Variants in PPP1R9A observed in about 807,000 individuals in gnomAD.
The protein encoded by PPP1R9A is protein phosphatase 1 regulatory subunit 9A.
PPP1R9A carries 59 observed loss-of-function variants against 141.9 expected under a neutral mutation model. The observed-to-expected ratio is 0.42, with a 90% CI of 0.34 to 0.52. The LOEUF (loss-of-function observed/expected upper bound fraction) is 0.52, where lower values mean the gene tolerates loss of function less well. Ranked by LOEUF, PPP1R9A falls within the 20% of genes least tolerant of loss-of-function variation. The pLI is 0.10. For missense variants in PPP1R9A, 1,444 were observed against 1,611.9 expected (o/e 0.90, Z 1.78); for synonymous variants, 500 against 569.7 (o/e 0.88, Z 1.74).
At chr7:95,276,921 A>C (rs1005340811) in intron 16 of PPP1R9A, among the ~76,000 whole-genome samples, 8 of 152,180 alleles carry the variant, frequency 5.3e-5, no homozygotes, top group African/African-American at 1.9e-4. Context: ...TCCCAGGAAG[A>C]ACAGAATTGC....
At chr7:95,019,418 C>T (rs768621924) in intron 2 of PPP1R9A, among the ~76,000 whole-genome samples, 16 of 152,090 alleles carry the variant, frequency 1.1e-4, no homozygotes, top group Non-Finnish European at 2.1e-4. Context: ...TAACATATAA[C>T]TTAAAATCTT....
intron 2 of PPP1R9A, among the ~76,000 whole-genome samples, chr7:94,959,789 A>G (rs145379637): frequency 3.1e-4 from 47 of 151,880 alleles, no homozygotes; most frequent in Non-Finnish European, 6.2e-4. Context: ...TACTTAAAAT[A>G]TGATTGGTTT....
At chr7:95,220,066 A>G (rs1794184138) in intron 7 of PPP1R9A, among the ~76,000 whole-genome samples, 1 of 152,122 alleles carries the variant, frequency 6.6e-6, no homozygotes, top group South Asian at 2.1e-4. Context: ...TGTTATTTCC[A>G]TTTTATAGAT....
At chr7:95,287,881 T>C (rs1805645217) in intron 18 of PPP1R9A, among the ~76,000 whole-genome samples, 1 of 152,122 alleles carries the variant, frequency 6.6e-6, no homozygotes, top group African/African-American at 2.4e-5. Context: ...AGAGAGGGGA[T>C]TTCAACATGT....
chr7:95,149,260 A>G (rs1828207236), intron 4 of PPP1R9A, among the ~76,000 whole-genome samples: 1 of 152,140 alleles, frequency 6.6e-6, no homozygotes, highest in South Asian at 2.1e-4. Context: ...TTGAAAAAAA[A>G]TACCTACAAA....
At position 95,085,415 on chromosome 7, in the gene PPP1R9A, T is replaced by A. The variant is rs537211869; in HGVS notation, c.1396-25844T>A. Among the ~76,000 whole-genome samples, 587 of 133,080 alleles carry A rather than the reference T, an allele frequency of 4.4e-3. 23 individuals are homozygous for A. The highest frequency in any genetic ancestry group is 0.038 in the East Asian group (188 of 4,902). The allele number at this position is 133,080 out of a possible 152,430, so 87.3% of individuals were successfully genotyped here. ...GCGCTCAGCAAAAAAGAAAAAAAAA[T>A]TTTTGGTTTTTTTTTTTTTTTTTTG... On this transcript the variant is annotated intron_variant, in intron 2 of 19. Transcript: ENST00000433360.
intron 17 of PPP1R9A, among the ~76,000 whole-genome samples, chr7:95,284,711 T>C (rs1414235052): frequency 6.6e-6 from 1 of 152,232 alleles, no homozygotes; most frequent in Non-Finnish European, 1.5e-5. Context: ...TATTTCTTCT[T>C]TTAATGTCAA....
intron 18 of PPP1R9A, chr7:95,287,280 C>A: frequency 9.7e-7 from 1 of 1,030,990 alleles, no homozygotes; most frequent in Non-Finnish European, 1.5e-6. Flanking sequence ...TAGCTTTACT[C>A]TCTGCCTTTG....
intron 2 of PPP1R9A, among the ~76,000 whole-genome samples, chr7:95,050,369 C>G (rs1810626465): frequency 6.6e-6 from 1 of 152,100 alleles, no homozygotes; most frequent in Non-Finnish European, 1.5e-5. Flanking sequence ...GATAATACTC[C>G]TTTATCTGAT....
chr7:95,000,287 G>C (rs544041274), intron 2 of PPP1R9A, among the ~76,000 whole-genome samples: 1 of 152,272 alleles, frequency 6.6e-6, no homozygotes, highest in East Asian at 1.9e-4. Flanking sequence ...TTGCATTGCA[G>C]TGTGTGCACA....
intron 2 of PPP1R9A, among the ~76,000 whole-genome samples, chr7:94,992,177 A>T (rs1447588580): frequency 6.6e-6 from 1 of 152,202 alleles, no homozygotes; most frequent in Admixed American, 6.5e-5. Flanking sequence ...ACAACTACTG[A>T]TACGCTTCCT....
At chr7:95,254,567 ATT>A (rs1799324321) in intron 12 of PPP1R9A, among the ~76,000 whole-genome samples, 1 of 152,162 alleles carries the variant, frequency 6.6e-6, no homozygotes, top group Non-Finnish European at 1.5e-5. Context: ...TGACTGTCCA[ATT>A]CTGATTTGCT....
intron 2 of PPP1R9A, among the ~76,000 whole-genome samples, chr7:94,930,321 G>A (rs761682419): frequency 4.6e-5 from 7 of 152,100 alleles, no homozygotes; most frequent in Non-Finnish European, 7.4e-5. Context: ...ATTTTAAGAA[G>A]CATAAAGGTT....
At chr7:95,252,996 C>G (rs1304385580) in intron 12 of PPP1R9A, among the ~76,000 whole-genome samples, 1 of 152,132 alleles carries the variant, frequency 6.6e-6, no homozygotes, top group East Asian at 1.9e-4. Context: ...ATTCATACAC[C>G]AACCATAAAT....
intron 1 of PPP1R9A, chr7:94,908,008 C>G (rs909760413): frequency 6.7e-6 from 1 of 149,308 alleles, no homozygotes; most frequent in East Asian, 2.0e-4. Context: ...CCGTGAGGAG[C>G]GGGTTGCGGT....
chr7:95,065,837 T>G (rs1048766354), intron 2 of PPP1R9A, among the ~76,000 whole-genome samples: 5 of 152,112 alleles, frequency 3.3e-5, no homozygotes, highest in African/African-American at 1.2e-4. Flanking sequence ...CAGCTGAGAT[T>G]GATAACATCT....
At chr7:95,084,692 T>C (rs1816365302) in intron 2 of PPP1R9A, among the ~76,000 whole-genome samples, 1 of 152,036 alleles carries the variant, frequency 6.6e-6, no homozygotes, top group Non-Finnish European at 1.5e-5. Context: ...AAATATACTT[T>C]GTTGAATTTT....
intron 7 of PPP1R9A, among the ~76,000 whole-genome samples, chr7:95,213,119 T>A (rs575498780): frequency 1.1e-4 from 17 of 152,056 alleles, no homozygotes; most frequent in Non-Finnish European, 4.4e-5. Flanking sequence ...GGGTTCTCCC[T>A]TCTCTGCTTG....
chr7:95,126,412 T>C (rs1288912224), intron 4 of PPP1R9A, among the ~76,000 whole-genome samples: 1 of 152,194 alleles, frequency 6.6e-6, no homozygotes, highest in Non-Finnish European at 1.5e-5. Flanking sequence ...ATCTCAGCAA[T>C]ATCACAGTGA....
Sources: gnomAD v4.1 joint callset for allele counts (sites outside exome capture counted in the v4.1 genomes callset) on GRCh38, gnomAD v4.1.1 for gene constraint, MANE v1.5 for transcripts, NCBI Gene and HGNC (gene_info 2026-07-23, HGNC 2026-07-21) for gene names.